Variants in PPP3CA observed in about 807,000 individuals in gnomAD.
PPP3CA encodes CAM-PRP catalytic subunit.
A neutral mutation model predicts 66.5 loss-of-function variants in PPP3CA; 14 were observed. That is an observed-to-expected ratio of 0.21 (90% confidence interval 0.14 to 0.33). The LOEUF is 0.33. Ranked by LOEUF, PPP3CA falls within the 10% of genes least tolerant of loss-of-function variation. PPP3CA has a pLI of 1.00. For synonymous variants in PPP3CA, 232 were observed against 226.2 expected, an observed-to-expected ratio of 1.03 and a Z score of -0.23; for missense variants, 317 against 639.5, an observed-to-expected ratio of 0.50 and a Z score of 5.44.
intron 1 of PPP3CA, among the ~76,000 whole-genome samples, chr4:101,281,221 G>C (rs1727673409): frequency 6.6e-6 from 1 of 152,232 alleles, no homozygotes; most frequent in Non-Finnish European, 1.5e-5. Context: ...GGAAGAATGG[G>C]AGAAGAGCAA....
intron 2 of PPP3CA, among the ~76,000 whole-genome samples, chr4:101,141,181 C>T (rs1282298015): frequency 6.6e-6 from 1 of 152,034 alleles, no homozygotes; most frequent in Non-Finnish European, 1.5e-5. Flanking sequence ...ATCAGCCTGA[C>T]CAAAATGGTG....
chr4:101,210,376 C>G (rs1248564241), intron 1 of PPP3CA, among the ~76,000 whole-genome samples: 1 of 152,130 alleles, frequency 6.6e-6, no homozygotes, highest in Non-Finnish European at 1.5e-5. Context: ...AACTCAGAAG[C>G]CAGACTGCCT....
intron 1 of PPP3CA, among the ~76,000 whole-genome samples, chr4:101,289,333 T>C (rs2110287022): frequency 6.6e-6 from 1 of 152,354 alleles, no homozygotes; most frequent in East Asian, 1.9e-4. Context: ...CTCCACATAT[T>C]TGTAAAATCA....
chr4:101,297,352 C>A (rs1452399648), intron 1 of PPP3CA, among the ~76,000 whole-genome samples: 2 of 152,126 alleles, frequency 1.3e-5, no homozygotes, highest in Admixed American at 1.3e-4. Flanking sequence ...ACACATGGGG[C>A]AAAACTAATG....
intron 2 of PPP3CA, among the ~76,000 whole-genome samples, chr4:101,168,549 TAAGAG>T (rs1226209352): frequency 1.3e-5 from 2 of 152,106 alleles, no homozygotes; most frequent in Non-Finnish European, 2.9e-5. Flanking sequence ...TGGGACACTC[TAAGAG>T]GGAGAAGAAC....
intron 2 of PPP3CA, among the ~76,000 whole-genome samples, chr4:101,156,198 G>A (rs1252148813): frequency 2.0e-5 from 3 of 152,170 alleles, no homozygotes; most frequent in Non-Finnish European, 4.4e-5. Context: ...GTTCTTTTCA[G>A]TGAGTCAATC....
chr4:101,124,753 AAGAAAGAAAGAAAG>A, intron 2 of PPP3CA, among the ~76,000 whole-genome samples: 1 of 124,248 alleles, frequency 8.0e-6, no homozygotes, highest in South Asian at 2.8e-4. Context: ...GAAAGAAAGA[AAGAAAGAAAGAAAG>A]AAAGAAAGAA....
chr4:101,050,577 C>G (rs1456723318), intron 10 of PPP3CA, among the ~76,000 whole-genome samples: 2 of 152,154 alleles, frequency 1.3e-5, no homozygotes, highest in African/African-American at 2.4e-5. Context: ...GGAGATGGTA[C>G]TGCTAGTCTC....
intron 10 of PPP3CA, among the ~76,000 whole-genome samples, chr4:101,052,390 T>C (rs1229591919): frequency 1.3e-5 from 2 of 152,046 alleles, no homozygotes; most frequent in Non-Finnish European, 2.9e-5. Flanking sequence ...TTTAATGATA[T>C]ACTAGCTATA....
intron 1 of PPP3CA, among the ~76,000 whole-genome samples, chr4:101,336,582 GA>G (rs534710537): frequency 0.15 from 14,653 of 98,716 alleles, 2,394 homozygotes; most frequent in African/African-American, 0.43. Context: ...AAAAAAAAAT[GA>G]AAAAAAAAAA....
chr4:101,025,474 A>G lies in PPP3CA; in HGVS notation c.*391T>C, dbSNP rs1726589028. The G allele has an allele frequency of 6.4e-6, 1 of 156,396 alleles. No homozygotes were observed. The highest frequency in any genetic ancestry group is 2.0e-4 in the South Asian group (1 of 4,986). 9.7% of individuals were successfully genotyped at this position (156,396 alleles called of 1,614,324 possible). ...TAAACGTACAATAGAGTAAGAAATT[A>G]GACAAAGTTTTCATGTCCAGTAACA... On this transcript the variant is annotated 3_prime_UTR_variant, in exon 14 of 14. Coordinates refer to ENST00000394854, the MANE Select transcript of PPP3CA (RefSeq NM_000944.5).
At chr4:101,165,862 T>C (rs1214591142) in intron 2 of PPP3CA, among the ~76,000 whole-genome samples, 1 of 152,096 alleles carries the variant, frequency 6.6e-6, no homozygotes, top group Non-Finnish European at 1.5e-5. Flanking sequence ...CAGAAGTGGT[T>C]TGCATGTTAA....
chr4:101,194,161 T>G (rs1261239767), intron 2 of PPP3CA, among the ~76,000 whole-genome samples: 2 of 152,258 alleles, frequency 1.3e-5, no homozygotes, highest in South Asian at 2.1e-4. Flanking sequence ...TACCTGACCC[T>G]AAACATAGTT....
chr4:101,106,453 GAGA>G (rs202036642), intron 3 of PPP3CA, among the ~76,000 whole-genome samples: 8,009 of 35,214 alleles, frequency 0.23, 1,888 homozygotes, highest in African/African-American at 0.3. Flanking sequence ...AAGAAAGAAA[GAGA>G]AAAGAAAAGA....
At chr4:101,164,999 T>C (rs929985376) in intron 2 of PPP3CA, among the ~76,000 whole-genome samples, 4 of 152,050 alleles carry the variant, frequency 2.6e-5, no homozygotes, top group African/African-American at 7.2e-5. Context: ...TGACTCTGGG[T>C]AGGGGAGGAG....
intron 12 of PPP3CA, 134 bp from the exon 13 acceptor site, chr4:101,029,329 A>G: frequency 2.1e-6 from 1 of 478,914 alleles, no homozygotes; most frequent in Admixed American, 3.6e-5. Context: ...TCTGGCACAG[A>G]CAACAAAACA....
chr4:101,174,482 A>G (rs1242803972), intron 2 of PPP3CA, among the ~76,000 whole-genome samples: 10 of 152,182 alleles, frequency 6.6e-5, no homozygotes, highest in Admixed American at 6.5e-4. Context: ...ATTTTCTAAA[A>G]CATCTTCTTG....
chr4:101,298,883 G>A (rs999204360), intron 1 of PPP3CA, among the ~76,000 whole-genome samples: 2 of 134,246 alleles, frequency 1.5e-5, no homozygotes, highest in Non-Finnish European at 3.1e-5. Flanking sequence ...GTGTGTGTGT[G>A]TGTATACACT....
intron 10 of PPP3CA, among the ~76,000 whole-genome samples, chr4:101,041,204 AT>A (rs1181086835): frequency 1.3e-5 from 2 of 152,120 alleles, no homozygotes; most frequent in Non-Finnish European, 2.9e-5. Context: ...CATGGTTTGC[AT>A]TTTAGTACTA....
Sources: gnomAD v4.1 joint callset for allele counts (sites outside exome capture counted in the v4.1 genomes callset) on GRCh38, gnomAD v4.1.1 for gene constraint, MANE v1.5 for transcripts, NCBI Gene and HGNC (gene_info 2026-07-23, HGNC 2026-07-21) for gene names.